Variants in DPP6 observed in about 807,000 individuals in gnomAD.
The protein encoded by DPP6 is A-type potassium channel modulatory protein DPP6.
DPP6 carries 69 observed loss-of-function variants against 122.6 expected under a neutral mutation model. That is an observed-to-expected ratio of 0.56 (90% CI 0.46 to 0.69). The LOEUF (loss-of-function observed/expected upper bound fraction) is 0.69. DPP6 is among the 30% of genes least tolerant of loss of function. The pLI, the probability that DPP6 is intolerant of heterozygous loss-of-function variation, is 0.00. For synonymous variants in DPP6, 418 were observed against 433.1 expected, an observed-to-expected ratio of 0.97 and a Z score of 0.43; for missense variants, 928 against 1,116.9, an observed-to-expected ratio of 0.83 and a Z score of 2.41.
At chr7:153,817,365 T>C in the DPP6 span, among the ~76,000 whole-genome samples, 2 of 140,154 alleles carry the variant, frequency 1.4e-5, no homozygotes, top group Admixed American at 7.0e-5. Flanking sequence ...TTTTTCTCAG[T>C]ATACACATAT....
chr7:153,863,323 C>A, the DPP6 span, among the ~76,000 whole-genome samples: 1 of 152,084 alleles, frequency 6.6e-6, no homozygotes, highest in African/African-American at 2.4e-5. Flanking sequence ...TTTTCTTTAT[C>A]CGGTCTATCA....
At chr7:154,503,724 G>A (rs1422397431) in intron 3 of DPP6, among the ~76,000 whole-genome samples, 1 of 152,048 alleles carries the variant, frequency 6.6e-6, no homozygotes, top group East Asian at 1.9e-4. Flanking sequence ...TTGATTTTTT[G>A]GGGTAAGGAA....
At chr7:153,937,060 G>A (rs1801480297) in intron 1 of DPP6, among the ~76,000 whole-genome samples, 1 of 152,100 alleles carries the variant, frequency 6.6e-6, no homozygotes, top group Non-Finnish European at 1.5e-5. Flanking sequence ...TGGACTTAGG[G>A]TCCCATGGAG....
intron 1 of DPP6, among the ~76,000 whole-genome samples, chr7:154,148,785 G>A (rs1308121755): frequency 2.6e-5 from 4 of 152,200 alleles, no homozygotes; most frequent in Non-Finnish European, 4.4e-5. Flanking sequence ...CTTATTGCAA[G>A]CATGTATTAG....
At chr7:154,189,328 A>G (rs1798500949) in intron 1 of DPP6, among the ~76,000 whole-genome samples, 1 of 152,224 alleles carries the variant, frequency 6.6e-6, no homozygotes, top group Non-Finnish European at 1.5e-5. Context: ...ACCTGCCTGA[A>G]TCAGATTTCC....
chr7:154,512,867 T>C (rs901249894), intron 3 of DPP6, among the ~76,000 whole-genome samples: 5 of 152,188 alleles, frequency 3.3e-5, no homozygotes, highest in Non-Finnish European at 7.3e-5. Flanking sequence ...GTCATTAGAC[T>C]AGACTCAAGG....
At chr7:153,979,661 G>A (rs1407872432) in intron 1 of DPP6, among the ~76,000 whole-genome samples, 1 of 152,188 alleles carries the variant, frequency 6.6e-6, no homozygotes, top group Non-Finnish European at 1.5e-5. Flanking sequence ...TGCCCATTCA[G>A]TGTGATATTG....
chr7:154,790,626 G>A (rs937517970), intron 10 of DPP6, among the ~76,000 whole-genome samples: 2 of 151,988 alleles, frequency 1.3e-5, no homozygotes, highest in African/African-American at 2.4e-5. Context: ...TTGAAGCACC[G>A]TATAGAATTA....
chr7:154,818,391 T>C (rs1799549818), intron 16 of DPP6, among the ~76,000 whole-genome samples: 1 of 152,206 alleles, frequency 6.6e-6, no homozygotes, highest in African/African-American at 2.4e-5. Flanking sequence ...TTCAGAGTGC[T>C]GGATCAACAG....
chr7:154,739,089 G>A (rs990967632), intron 8 of DPP6, among the ~76,000 whole-genome samples: 3 of 152,174 alleles, frequency 2.0e-5, no homozygotes, highest in African/African-American at 4.8e-5. Context: ...TGTTCCGGAG[G>A]GACACAAGCT....
chr7:154,111,261 A>G lies in DPP6; in HGVS notation c.243+58198A>G, dbSNP rs531993030. Among the ~76,000 whole-genome samples, 15 of 152,340 alleles carry G rather than the reference A, an allele frequency of 9.8e-5. No individual in the cohort carries two copies. The East Asian group carries it at 2.9e-3, about 29-fold the overall frequency. On this transcript the variant is annotated intron_variant, in intron 1 of 25. Transcript: ENST00000377770. Reference sequence around the variant, plus strand: ...AAACTGCCAGGATTCCAGTGATCAGAGAGCAGGTCTTCAGTAGCACAGGCT... The same window carrying G: ...AAACTGCCAGGATTCCAGTGATCAGGGAGCAGGTCTTCAGTAGCACAGGCT...
chr7:154,842,259 T>C (rs965170302), intron 16 of DPP6, among the ~76,000 whole-genome samples: 2 of 152,358 alleles, frequency 1.3e-5, no homozygotes, highest in Middle Eastern at 3.4e-3. Flanking sequence ...GAATCTCCAT[T>C]GTTTACATAC....
At chr7:154,470,526 G>A (rs535600257) in intron 2 of DPP6, among the ~76,000 whole-genome samples, 22 of 152,286 alleles carry the variant, frequency 1.4e-4, no homozygotes, top group East Asian at 5.8e-4. Context: ...TTTATTTCTA[G>A]TTTTCTGGTA....
intron 1 of DPP6, among the ~76,000 whole-genome samples, chr7:154,105,109 A>G (rs1585386994): frequency 6.6e-6 from 1 of 152,250 alleles, no homozygotes; most frequent in Non-Finnish European, 1.5e-5. Context: ...CCTGGGTGAT[A>G]GAGTGAGACT....
At position 154,879,702 on chromosome 7, in the gene DPP6, C is replaced by T. The variant is rs552936481; in HGVS notation, c.2079-1186C>T. 1.3e-4 allele frequency among the ~76,000 whole-genome samples: 19 copies of T among 151,864 alleles called. No individual in the cohort carries two copies. In the South Asian group the frequency reaches 2.3e-3, roughly 18 times the overall value. ...GGGAGGCAGAGGTTGCGGTGAGCCA[C>T]GATCACGCCACTGCACTCCAGCCTG... On this transcript the variant is annotated intron_variant, in intron 20 of 25. Transcript: ENST00000377770.
chr7:154,550,795 A>T lies in DPP6; in HGVS notation c.552+10169A>T, dbSNP rs1014036024. ...GACGAAGTTTTGCTCTTGTTGCCCA[A>T]GCTGGAGTGCAATGGCGCGATCTCG... On this transcript the variant is annotated intron_variant, in intron 4 of 25. Transcript: ENST00000377770. Among the ~76,000 whole-genome samples, 5 of 148,516 alleles carry T rather than the reference A, an allele frequency of 3.4e-5. No individual in the cohort carries two copies. In the Admixed American group the frequency reaches 3.4e-4, roughly 10 times the overall value.
intron 1 of DPP6, among the ~76,000 whole-genome samples, chr7:154,378,667 C>A (rs76194950): frequency 0.089 from 13,582 of 152,176 alleles, 683 homozygotes; most frequent in African/African-American, 0.11. Context: ...CCTCATGACC[C>A]AATTACCTTT....
intron 1 of DPP6, among the ~76,000 whole-genome samples, chr7:153,950,152 C>T (rs574789750): frequency 4.6e-5 from 7 of 152,252 alleles, no homozygotes; most frequent in East Asian, 1.9e-4. Context: ...AGGAGCACCT[C>T]GGTTTACCTG....
intron 1 of DPP6, among the ~76,000 whole-genome samples, chr7:154,410,668 A>T (rs1222519530): frequency 6.6e-6 from 1 of 152,238 alleles, no homozygotes; most frequent in African/African-American, 2.4e-5. Context: ...TCATCGAAGG[A>T]TGTTAAGAGC....
Sources: gnomAD v4.1 joint callset for allele counts (sites outside exome capture counted in the v4.1 genomes callset) on GRCh38, gnomAD v4.1.1 for gene constraint, MANE v1.5 for transcripts, NCBI Gene and HGNC (gene_info 2026-07-23, HGNC 2026-07-21) for gene names.